Variants in USF3 observed in about 807,000 individuals in gnomAD.
USF3 encodes basic helix-loop-helix domain-containing protein USF3.
A neutral mutation model predicts 157.5 loss-of-function variants in USF3; 29 were observed. The ratio of observed to expected loss-of-function variants is 0.18; its 90% CI spans 0.14 to 0.25. The LOEUF is 0.25. Among genes scored for constraint, USF3 ranks in the 10% least tolerant of loss-of-function variants. The pLI is 1.00. For missense variants in USF3, 2,381 were observed against 2,667.6 expected (o/e 0.89, Z 2.37); for synonymous variants, 893 against 941.4 (o/e 0.95, Z 0.94).
At chr3:113,690,095 T>C (rs1707651134) in intron 1 of USF3, among the ~76,000 whole-genome samples, 2 of 152,242 alleles carry the variant, frequency 1.3e-5, no homozygotes, top group African/African-American at 2.4e-5. Context: ...ACAAGTCTGT[T>C]TGGAATGTGT....
intron 1 of USF3, among the ~76,000 whole-genome samples, chr3:113,686,167 T>C (rs1707541499): frequency 6.6e-6 from 1 of 152,204 alleles, no homozygotes; most frequent in South Asian, 2.1e-4. Context: ...ATGTTCCAAC[T>C]GATAGGATGG....
In USF3 at chr3:113,655,041, G is replaced by A; in HGVS notation, c.6641C>T (p.Ala2214Val). ...GGAAGAGTCAGAGGCAGAGGAATTT[G>A]CTATTGTAAGCAAAGGTGACATTGC... The part of the protein sequence containing the change: ...GSAMSPLLTI[A>V]NSSASDSSKQ... Residue 2214 changes from alanine (A) to valine (V), a missense_variant, in exon 7 of 7, where the codon GCA (alanine) becomes GTA (valine). Around this residue, in one of 6 missense-constraint regions of USF3, gnomAD observed 770 missense variants for 824.2 expected, o/e 0.93. Transcript: ENST00000316407. 6.2e-7 allele frequency: 1 copy of A among 1,614,200 alleles called. No individual in the cohort carries two copies.
At position 113,649,605 on chromosome 3, in the gene USF3, CTGAT is replaced by C. The variant is rs1322133400; in HGVS notation, c.*5335_*5338del. The C allele has an allele frequency of 7.5e-6, 3 of 402,162 alleles. No homozygotes were observed. Among genetic ancestry groups the C allele is most frequent in the Non-Finnish European group, 8.8e-6 (2 of 228,064 alleles). 24.9% of individuals were successfully genotyped at this position (402,162 alleles called of 1,614,324 possible). On this transcript the variant is annotated 3_prime_UTR_variant, in exon 7 of 7. Coordinates refer to ENST00000316407, the MANE Select transcript of USF3 (RefSeq NM_001009899.4). ...TCAGCTGTACTTGTCGAGAAGGTGT[CTGAT>C]TACACAGCGTGTACCATCCCAGCTG...
chr3:113,659,022 T>C lies in USF3; in HGVS notation c.2660A>G (p.Glu887Gly). Residue 887 changes from glutamate to glycine, a missense_variant, in exon 7 of 7, where the codon GAA becomes GGA. Around this residue, in one of 6 missense-constraint regions of USF3, gnomAD observed 1,435 missense variants for 1,550.9 expected, o/e 0.93. Coordinates refer to ENST00000316407, the MANE Select transcript of USF3 (RefSeq NM_001009899.4). The stretch of plus-strand genomic sequence containing the variant: ...TTCTTGGGAGGGTGGGCTGGACTTT[T>C]CTGCTGACTTAGATTTCGATACAGA... ...PESVSKSKSA[E>G]KSSPPSQESV... The C allele has an allele frequency of 1.2e-6, 2 of 1,614,186 alleles. No individual in the cohort carries two copies. Among genetic ancestry groups the C allele is most frequent in the Non-Finnish European group, 1.7e-6 (2 of 1,180,042 alleles).
intron 2 of USF3, among the ~76,000 whole-genome samples, chr3:113,676,751 A>T (rs868003129): frequency 1.3e-5 from 2 of 152,202 alleles, no homozygotes; most frequent in Admixed American, 6.5e-5. Flanking sequence ...AGTAGCAAGT[A>T]TGAAGTCTGA....
chr3:113,655,579 C>T lies in USF3; in HGVS notation c.6103G>A (p.Gly2035Arg). ...TCAGGCATGAAACGAACAATACTTC[C>T]TCTCTTCTCTGTGGCAGGTTGTTGA... ...GRQQPATEKR[G>R]SIVRFMPDSP... The change falls in exon 7 of 7, where the codon GGA (glycine) becomes AGA (arginine). Residue 2035 changes from glycine (G) to arginine (R), a missense_variant. Gly to Arg is a moderately radical substitution (Grantham distance 125, BLOSUM62 -2). Transcript: ENST00000316407. 1 of 1,614,176 alleles carries T rather than the reference C, an allele frequency of 6.2e-7. No individual in the cohort carries two copies. Among genetic ancestry groups the T allele is most frequent in the Non-Finnish European group, 8.5e-7 (1 of 1,180,008 alleles).
chr3:113,670,377 T>TC, intron 4 of USF3, 174 bp from the exon 5 acceptor site: 1 of 587,344 alleles, frequency 1.7e-6, no homozygotes, highest in African/African-American at 1.9e-5. Context: ...GGCGGGTGGA[T>TC]CACCTGAGGT....
At position 113,656,776 on chromosome 3, in the gene USF3, A is replaced by G. The variant is rs751889004; in HGVS notation, c.4906T>C (p.Leu1636=). ...PMQRLLTSRG[L]EQQMVSQPSI... is the part of the protein sequence containing the mutation. The stretch of plus-strand genomic sequence containing the variant: ...GGTTGGGACACCATTTGCTGCTCTA[A>G]GCCTCTTGATGTCAAAAGCCTCTGC... Residue 1636 remains leucine (L), a synonymous_variant, in exon 7 of 7, where the codon TTA becomes CTA. Transcript: ENST00000316407. 14 of 1,614,196 alleles carry G rather than the reference A, an allele frequency of 8.7e-6. No individual in the cohort carries two copies. The highest frequency in any genetic ancestry group is 1.2e-5 in the Non-Finnish European group (14 of 1,180,034).
In USF3 at chr3:113,656,212, G is replaced by A. The variant is rs780277946; in HGVS notation, c.5470C>T (p.Leu1824Phe). 1 of 1,614,186 alleles carries A rather than the reference G, an allele frequency of 6.2e-7. No homozygotes were observed. The highest frequency in any genetic ancestry group is 2.2e-5 in the East Asian group (1 of 44,888). ...TCHQSFMQSL[L>F]APHLSDQVIG... ...ACCTGATCACTGAGGTGAGGGGCAA[G>A]TAAGCTCTGCATGAAACTTTGGTGA... is the stretch of plus-strand genomic sequence containing the variant. The change falls in exon 7 of 7, where the codon CTT (leucine) becomes TTT (phenylalanine). Residue 1824 changes from leucine to phenylalanine, a missense_variant. Physicochemically the swap from Leu to Phe is conservative, Grantham distance 22 (BLOSUM62 0). Transcript: ENST00000316407.
At chr3:113,664,903 C>A (rs558893664) in intron 5 of USF3, among the ~76,000 whole-genome samples, 3 of 152,200 alleles carry the variant, frequency 2.0e-5, no homozygotes, top group Non-Finnish European at 4.4e-5. Flanking sequence ...ATCTCTCTCT[C>A]TGTCTGCCAC....
chr3:113,667,865 AAAACAAACAAAC>A (rs10641398), intron 5 of USF3, among the ~76,000 whole-genome samples: 12 of 150,650 alleles, frequency 8.0e-5, no homozygotes, highest in Admixed American at 2.6e-4. Flanking sequence ...AGACTGTCTC[AAAACAAACAAAC>A]AAACAAACAA....
intron 1 of USF3, among the ~76,000 whole-genome samples, chr3:113,687,474 A>G (rs1024659074): frequency 2.0e-5 from 3 of 152,338 alleles, no homozygotes; most frequent in Admixed American, 2.0e-4. Context: ...CTCAGCAGAC[A>G]GAGCTATTAA....
intron 1 of USF3, among the ~76,000 whole-genome samples, chr3:113,687,797 G>A (rs1261338042): frequency 3.9e-5 from 6 of 152,142 alleles, no homozygotes; most frequent in Admixed American, 6.5e-5. Context: ...CACATCCAAG[G>A]TCCTTTAAGG....
chr3:113,693,580 G>C (rs1454961919), intron 1 of USF3, among the ~76,000 whole-genome samples: 1 of 152,174 alleles, frequency 6.6e-6, no homozygotes, highest in East Asian at 1.9e-4. Context: ...AGTCAGAAGG[G>C]TTCCAAACCA....
rs1474929441 is a variant in USF3 at position 113,660,470 on chromosome 3, C to G, written c.1212G>C (p.Leu404Phe). Reference sequence around the variant, plus strand: ...CTGAAGTACTAACACTTGAAGAAGGCAAAGAACAAGAAAGAGTCCAACCAT... The same window carrying G: ...CTGAAGTACTAACACTTGAAGAAGGGAAAGAACAAGAAAGAGTCCAACCAT... Reference protein sequence around the residue: ...LDNGWTLSCSLPSSSVSTSDL... With the variant: ...LDNGWTLSCSFPSSSVSTSDL... The change falls in exon 7 of 7, where the codon TTG (leucine) becomes TTC (phenylalanine). Residue 404 changes from leucine to phenylalanine, a missense_variant. Leu to Phe is a conservative substitution (Grantham distance 22). Coordinates refer to ENST00000316407, the MANE Select transcript of USF3 (RefSeq NM_001009899.4). The G allele has an allele frequency of 1.2e-6, 2 of 1,613,986 alleles. No homozygotes were observed. The highest frequency in any genetic ancestry group is 2.2e-5 in the South Asian group (2 of 91,080).
intron 1 of USF3, among the ~76,000 whole-genome samples, chr3:113,692,546 T>C (rs760414691): frequency 5.9e-5 from 9 of 152,228 alleles, no homozygotes; most frequent in Non-Finnish European, 1.0e-4. Flanking sequence ...TACATACTTA[T>C]GTTTAATTTA....
At chr3:113,668,700 A>C (rs1426499862) in intron 5 of USF3, among the ~76,000 whole-genome samples, 1 of 152,160 alleles carries the variant, frequency 6.6e-6, no homozygotes, top group Non-Finnish European at 1.5e-5. Flanking sequence ...CAGAGGAAAA[A>C]AACATAAACA....
At chr3:113,685,027 G>A (rs1194789757) in intron 1 of USF3, among the ~76,000 whole-genome samples, 1 of 152,180 alleles carries the variant, frequency 6.6e-6, no homozygotes, top group Non-Finnish European at 1.5e-5. Flanking sequence ...AGAATTAAGT[G>A]TTGTAATCTT....
At position 113,659,006 on chromosome 3, in the gene USF3, G is replaced by C; in HGVS notation, c.2676C>G (p.Pro892=). 6.2e-7 allele frequency: 1 copy of C among 1,614,166 alleles called. No homozygotes were observed. Among genetic ancestry groups the C allele is most frequent in the Non-Finnish European group, 8.5e-7 (1 of 1,180,026 alleles). The change falls in exon 7 of 7, where the codon CCC becomes CCG. Residue 892 remains proline (P), a synonymous_variant. Transcript: ENST00000316407. ...GTTCACTTGTTACAGATTCTTGGGA[G>C]GGTGGGCTGGACTTTTCTGCTGACT... ...KSKSAEKSSP[P]SQESVTSEHF... is the part of the protein sequence containing the mutation.
Sources: gnomAD v4.1 joint callset for allele counts (sites outside exome capture counted in the v4.1 genomes callset) on GRCh38, gnomAD v4.1.1 for gene constraint, gnomAD v4.1.1 regional missense constraint, MANE v1.5 for transcripts, NCBI Gene and HGNC (gene_info 2026-07-23, HGNC 2026-07-21) for gene names.